Variants in RSBN1L observed in about 807,000 individuals in gnomAD.
RSBN1L encodes round spermatid basic protein 1 like.
RSBN1L carries 30 observed loss-of-function variants against 67.7 expected under a neutral mutation model. The ratio of observed to expected loss-of-function variants is 0.44; its 90% CI spans 0.33 to 0.60. RSBN1L has a LOEUF of 0.60. Ranked by LOEUF, RSBN1L falls within the 20% of genes least tolerant of loss-of-function variation. The pLI is 0.02. For synonymous variants in RSBN1L, 433 were observed against 387.0 expected (o/e 1.12, Z -1.39); for missense variants, 992 against 1,031.7 (o/e 0.96, Z 0.53).
intron 2 of RSBN1L, among the ~76,000 whole-genome samples, chr7:77,739,478 C>T (rs962144375): frequency 6.6e-6 from 1 of 151,732 alleles, no homozygotes; most frequent in African/African-American, 2.4e-5. Context: ...TTTGGGAGGC[C>T]AAGGCGGGTG....
chr7:77,696,785 T>G lies in RSBN1L; in HGVS notation c.316T>G (p.Phe106Val). 1.9e-6 allele frequency: 3 copies of G among 1,613,804 alleles called. No individual in the cohort carries two copies. The highest frequency in any genetic ancestry group is 2.2e-5 in the South Asian group (2 of 91,080). ...GTCCTCTTCTCGGAGCAGTTTCTCT[T>G]TCTCCGCTGGCACGGCCGTTCCCTC... ...SPSSSRSSFS[F>V]SAGTAVPSSA... is the part of the protein sequence containing the mutation. The change falls in exon 1 of 8, where the codon TTC becomes GTC. Residue 106 changes from phenylalanine to valine, a missense_variant. Physicochemically the swap from Phe to Val is conservative, Grantham distance 50. Transcript: ENST00000334955.
At chr7:77,731,323 T>C (rs1791268786) in intron 1 of RSBN1L, among the ~76,000 whole-genome samples, 1 of 152,030 alleles carries the variant, frequency 6.6e-6, no homozygotes, top group African/African-American at 2.4e-5. Context: ...AAGTGATCCA[T>C]CTCAACCTCT....
At chr7:77,775,491 G>GT (rs1382406567) in intron 6 of RSBN1L, among the ~76,000 whole-genome samples, 2 of 151,994 alleles carry the variant, frequency 1.3e-5, no homozygotes, top group East Asian at 3.9e-4. Flanking sequence ...ATCGTGCTGT[G>GT]TTTCACAAAT....
intron 1 of RSBN1L, among the ~76,000 whole-genome samples, chr7:77,731,223 G>T (rs1206246027): frequency 2.6e-5 from 4 of 151,642 alleles, no homozygotes; most frequent in African/African-American, 9.7e-5. Flanking sequence ...TGGTTTGTTT[G>T]TTTTTTTTGA....
At chr7:77,776,960 T>G (rs1354379210) in intron 6 of RSBN1L, among the ~76,000 whole-genome samples, 2 of 151,924 alleles carry the variant, frequency 1.3e-5, no homozygotes, top group African/African-American at 2.4e-5. Flanking sequence ...TCCAATTTGC[T>G]TCTTTATTCT....
intron 1 of RSBN1L, among the ~76,000 whole-genome samples, chr7:77,712,681 T>C (rs1324830364): frequency 1.3e-5 from 2 of 152,236 alleles, no homozygotes; most frequent in African/African-American, 4.8e-5. Flanking sequence ...TCAATATGTG[T>C]AGAACTATAT....
At chr7:77,716,073 A>G (rs1791044424) in intron 1 of RSBN1L, among the ~76,000 whole-genome samples, 1 of 152,112 alleles carries the variant, frequency 6.6e-6, no homozygotes, top group African/African-American at 2.4e-5. Context: ...ACAGTTTTTC[A>G]TAGCAGAAAT....
chr7:77,707,876 C>G (rs1318056381), intron 1 of RSBN1L, among the ~76,000 whole-genome samples: 1 of 152,072 alleles, frequency 6.6e-6, no homozygotes, highest in Non-Finnish European at 1.5e-5. Flanking sequence ...AATGTATAGA[C>G]CTGTACTCAG....
chr7:77,720,834 T>A (rs1318820773), intron 1 of RSBN1L, among the ~76,000 whole-genome samples: 1 of 147,186 alleles, frequency 6.8e-6, no homozygotes, highest in Non-Finnish European at 1.5e-5. Flanking sequence ...GGTGTGATCC[T>A]GGCTCACTGC....
intron 1 of RSBN1L, among the ~76,000 whole-genome samples, chr7:77,716,778 T>A (rs1459002485): frequency 6.6e-6 from 1 of 151,338 alleles, no homozygotes; most frequent in African/African-American, 2.4e-5. Flanking sequence ...ATTACAGGCG[T>A]GCACCACCAC....
rs1790739967 is a variant in RSBN1L at position 77,696,917 on chromosome 7, G to GCTGCCT, written c.450_455dup (p.Ser152_Ala153dup). 3 of 1,602,670 alleles carry GCTGCCT rather than the reference G, an allele frequency of 1.9e-6. No individual in the cohort carries two copies. The highest frequency in any genetic ancestry group is 2.5e-6 in the Non-Finnish European group (3 of 1,179,290). On this transcript the variant is annotated inframe_insertion, in exon 1 of 8. Coordinates refer to ENST00000334955, the MANE Select transcript of RSBN1L (RefSeq NM_198467.3). Reference sequence around the variant, plus strand: ...TCTCCTCCTGCCCGCCGCCGCCGCCGCTGCCTCGGCTAACGCCAAGTCGCG... The same window carrying GCTGCCT: ...TCTCCTCCTGCCCGCCGCCGCCGCCGCTGCCTCTGCCTCGGCTAACGCCAAGTCGCG...
intron 5 of RSBN1L, among the ~76,000 whole-genome samples, 166 bp downstream of exon 5, chr7:77,768,969 A>G (rs1480865388): frequency 6.6e-6 from 1 of 152,244 alleles, no homozygotes; most frequent in African/African-American, 2.4e-5. Flanking sequence ...AAAACCTAAA[A>G]TGTAAATAAA....
At chr7:77,724,432 CTT>C (rs557313211) in intron 1 of RSBN1L, among the ~76,000 whole-genome samples, 14 of 136,386 alleles carry the variant, frequency 1.0e-4, no homozygotes, top group Non-Finnish European at 8.0e-5. Flanking sequence ...TTTCTTTTTT[CTT>C]TTTTTTTTTT....
chr7:77,712,578 C>G (rs1790990109), intron 1 of RSBN1L, among the ~76,000 whole-genome samples: 1 of 152,156 alleles, frequency 6.6e-6, no homozygotes, highest in South Asian at 2.1e-4. Flanking sequence ...TGTGCCTGGC[C>G]ACATATGTGA....
At chr7:77,734,493 T>A (rs1011023026) in intron 1 of RSBN1L, among the ~76,000 whole-genome samples, 2 of 145,994 alleles carry the variant, frequency 1.4e-5, no homozygotes, top group African/African-American at 2.5e-5. Context: ...TGGAGTAACA[T>A]TTTTTTTTTT....
chr7:77,742,771 C>T (rs940847097), intron 2 of RSBN1L, among the ~76,000 whole-genome samples: 5 of 152,032 alleles, frequency 3.3e-5, no homozygotes, highest in Non-Finnish European at 7.4e-5. Flanking sequence ...CAGGAGGCGG[C>T]GGAAGTTGCT....
chr7:77,724,945 C>A (rs763781970), intron 1 of RSBN1L, among the ~76,000 whole-genome samples: 2 of 149,238 alleles, frequency 1.3e-5, no homozygotes, highest in African/African-American at 4.9e-5. Flanking sequence ...CGGGTCCAGT[C>A]GGTTCTCCTG....
At chr7:77,772,225 G>A (rs957002162) in intron 5 of RSBN1L, among the ~76,000 whole-genome samples, 1 of 152,184 alleles carries the variant, frequency 6.6e-6, no homozygotes, top group Middle Eastern at 3.2e-3. Context: ...GGTGCACAAA[G>A]AGTAGTTAAA....
intron 3 of RSBN1L, among the ~76,000 whole-genome samples, chr7:77,757,906 G>A (rs974369703): frequency 6.6e-6 from 1 of 152,112 alleles, no homozygotes; most frequent in African/African-American, 2.4e-5. Flanking sequence ...GAAGTCACAT[G>A]GTGAAACCCA....
Sources: allele counts gnomAD v4.1 joint callset (sites outside exome capture counted in the v4.1 genomes callset), GRCh38; gene constraint gnomAD v4.1.1; transcripts MANE v1.5; gene names NCBI Gene and HGNC (gene_info 2026-07-23, HGNC 2026-07-21).